The following CA10 variants were observed in gnomAD, a reference collection of about 807,000 sequenced individuals.
CA10 encodes the protein carbonic anhydrase 10 (inactive), also known as carbonic anhydrase-related protein 10.
A neutral mutation model predicts 44.2 loss-of-function variants in CA10; 14 were observed. The observed-to-expected ratio is 0.32, with a 90% confidence interval of 0.21 to 0.50. CA10 has a LOEUF of 0.50. CA10 is among the 20% of genes least tolerant of loss of function. The pLI, the probability that CA10 is intolerant of heterozygous loss-of-function variation, is 0.99. For synonymous variants in CA10, 159 were observed against 141.6 expected (o/e 1.12, Z -0.87); for missense variants, 350 against 409.7 (o/e 0.85, Z 1.26).
intron 1 of CA10, among the ~76,000 whole-genome samples, chr17:52,153,255 T>C (rs140700552): frequency 6.6e-6 from 1 of 152,254 alleles, no homozygotes; most frequent in African/African-American, 2.4e-5. Context: ...TGACATCACA[T>C]GGGAAACTGG....
intron 2 of CA10, among the ~76,000 whole-genome samples, chr17:52,055,346 GAAAA>G (rs10719126): frequency 8.1e-6 from 1 of 122,820 alleles, no homozygotes; most frequent in Admixed American, 8.0e-5. Context: ...TCCTTCTGGT[GAAAA>G]AAAAAAAAAA....
intron 1 of CA10, among the ~76,000 whole-genome samples, chr17:52,150,287 C>T (rs1242225426): frequency 6.6e-6 from 1 of 152,216 alleles, no homozygotes; most frequent in Non-Finnish European, 1.5e-5. Context: ...ACCCCTCCTA[C>T]TTTCAGGATG....
chr17:51,789,430 T>C (rs1235205675), intron 3 of CA10, among the ~76,000 whole-genome samples: 1 of 152,224 alleles, frequency 6.6e-6, no homozygotes, highest in East Asian at 1.9e-4. Flanking sequence ...GATGAAAGCT[T>C]AGTATTTCAT....
intron 3 of CA10, among the ~76,000 whole-genome samples, chr17:51,918,005 A>C (rs1055134837): frequency 2.0e-5 from 3 of 152,172 alleles, no homozygotes; most frequent in Non-Finnish European, 4.4e-5. Context: ...CTCTAAACCT[A>C]TGCTTAGACA....
intron 3 of CA10, among the ~76,000 whole-genome samples, chr17:51,821,044 C>A (rs1237857993): frequency 6.3e-5 from 7 of 110,640 alleles, no homozygotes; most frequent in Non-Finnish European, 1.3e-4. Flanking sequence ...TCCCTCCCTC[C>A]CTCCCTCCCT....
At chr17:51,835,934 A>C (rs951005975) in intron 3 of CA10, among the ~76,000 whole-genome samples, 2 of 152,158 alleles carry the variant, frequency 1.3e-5, no homozygotes, top group African/African-American at 4.8e-5. Context: ...CACATAGAAG[A>C]GGAATGGAAG....
At chr17:51,767,169 A>G (rs1310682504) in intron 3 of CA10, among the ~76,000 whole-genome samples, 1 of 152,194 alleles carries the variant, frequency 6.6e-6, no homozygotes, top group African/African-American at 2.4e-5. Flanking sequence ...TTATGCCTGT[A>G]TTTAGAGATG....
At chr17:52,150,379 C>T (rs745491604) in intron 1 of CA10, among the ~76,000 whole-genome samples, 70 of 152,212 alleles carry the variant, frequency 4.6e-4, no homozygotes, top group Admixed American at 1.7e-3. Context: ...GCTGTGACTA[C>T]CAATATTTTA....
At chr17:51,639,694 C>T (rs1290395625) in intron 6 of CA10, among the ~76,000 whole-genome samples, 1 of 152,208 alleles carries the variant, frequency 6.6e-6, no homozygotes, top group Non-Finnish European at 1.5e-5. Flanking sequence ...TACTTATACT[C>T]TACCTTTTGC....
intron 3 of CA10, among the ~76,000 whole-genome samples, chr17:51,878,530 T>G (rs1980192233): frequency 1.3e-5 from 2 of 152,102 alleles, no homozygotes; most frequent in South Asian, 4.2e-4. Flanking sequence ...CTGGCTCTGA[T>G]CTAACTGGCA....
At chr17:51,685,359 G>A (rs924620001) in intron 4 of CA10, among the ~76,000 whole-genome samples, 6 of 152,128 alleles carry the variant, frequency 3.9e-5, no homozygotes, top group African/African-American at 1.4e-4. Context: ...AGATGGGAGG[G>A]CTAGAGTGTC....
At chr17:52,014,350 C>T (rs1035741399) in intron 2 of CA10, among the ~76,000 whole-genome samples, 60 of 151,872 alleles carry the variant, frequency 4.0e-4, no homozygotes, top group African/African-American at 1.3e-3. Context: ...AGTTGGAATA[C>T]GAAGAACGTG....
At chr17:51,900,025 G>A (rs1020771965) in intron 3 of CA10, among the ~76,000 whole-genome samples, 4 of 151,826 alleles carry the variant, frequency 2.6e-5, no homozygotes, top group Non-Finnish European at 2.9e-5. Flanking sequence ...GGAACATTTA[G>A]CCTGTTTACA....
intron 3 of CA10, among the ~76,000 whole-genome samples, chr17:51,830,914 A>G (rs1908215887): frequency 1.3e-5 from 2 of 152,196 alleles, no homozygotes; most frequent in African/African-American, 4.8e-5. Flanking sequence ...GCTAGACCAC[A>G]GGCCTGAACT....
intron 4 of CA10, among the ~76,000 whole-genome samples, chr17:51,718,847 C>T (rs1380262724): frequency 6.6e-6 from 1 of 152,126 alleles, no homozygotes; most frequent in Non-Finnish European, 1.5e-5. Context: ...TTTTGGCAAC[C>T]AGAGGTCACA....
At chr17:51,825,336 T>G (rs1326806820) in intron 3 of CA10, among the ~76,000 whole-genome samples, 1 of 152,186 alleles carries the variant, frequency 6.6e-6, no homozygotes, top group African/African-American at 2.4e-5. Context: ...GGACCATCTT[T>G]GTAACATTAT....
At chr17:52,044,424 T>G (rs1283537477) in intron 2 of CA10, among the ~76,000 whole-genome samples, 2 of 151,980 alleles carry the variant, frequency 1.3e-5, no homozygotes, top group Non-Finnish European at 2.9e-5. Flanking sequence ...CCACCTCAGC[T>G]TCTCAAATAG....
At chr17:51,701,838 TACG>T (rs1915614253) in intron 4 of CA10, among the ~76,000 whole-genome samples, 1 of 152,236 alleles carries the variant, frequency 6.6e-6, no homozygotes. Flanking sequence ...CAAAAGGTTT[TACG>T]ACTAGAGACA....
chr17:52,139,762 G>T (rs923834198), intron 1 of CA10, among the ~76,000 whole-genome samples: 1 of 152,068 alleles, frequency 6.6e-6, no homozygotes, highest in Non-Finnish European at 1.5e-5. Flanking sequence ...TTACCTGGGT[G>T]CCTGTCTCCT....
Sources: allele counts gnomAD v4.1 joint callset (sites outside exome capture counted in the v4.1 genomes callset), GRCh38; gene constraint gnomAD v4.1.1; transcripts MANE v1.5; gene names NCBI Gene and HGNC (gene_info 2026-07-23, HGNC 2026-07-21).